Variants in MDGA2 observed in about 807,000 individuals in gnomAD.
MDGA2 encodes the protein MAM domain containing glycosylphosphatidylinositol anchor 2.
A neutral mutation model predicts 117.8 loss-of-function variants in MDGA2; 40 were observed. The ratio of observed to expected loss-of-function variants is 0.34; its 90% CI spans 0.26 to 0.44. The LOEUF (loss-of-function observed/expected upper bound fraction) is 0.44. Ranked by LOEUF, MDGA2 falls within the 20% of genes least tolerant of loss-of-function variation. MDGA2 has a pLI of 1.00. For missense variants in MDGA2, 1,123 were observed against 1,250.6 expected, an observed-to-expected ratio of 0.90 and a Z score of 1.54; for synonymous variants, 452 against 439.0, an observed-to-expected ratio of 1.03 and a Z score of -0.37.
chr14:46,883,868 T>A (rs1366393977), intron 10 of MDGA2, among the ~76,000 whole-genome samples: 2 of 152,116 alleles, frequency 1.3e-5, no homozygotes, highest in Non-Finnish European at 2.9e-5. Flanking sequence ...TATATATATA[T>A]GACAAATACA....
At chr14:47,169,729 T>A (rs994005316) in intron 3 of MDGA2, among the ~76,000 whole-genome samples, 1 of 152,090 alleles carries the variant, frequency 6.6e-6, no homozygotes, top group African/African-American at 2.4e-5. Flanking sequence ...TTGACAGTTA[T>A]GATAAAATAA....
At chr14:47,649,069 T>C (rs1897589528) in intron 1 of MDGA2, among the ~76,000 whole-genome samples, 1 of 152,176 alleles carries the variant, frequency 6.6e-6, no homozygotes, top group Admixed American at 6.5e-5. Flanking sequence ...ATGTCTAAAA[T>C]TCATCATATA....
chr14:47,442,536 A>T (rs1031607056), intron 1 of MDGA2, among the ~76,000 whole-genome samples: 4 of 152,150 alleles, frequency 2.6e-5, no homozygotes, highest in Non-Finnish European at 5.9e-5. Context: ...AGGCAGGAGC[A>T]GAGTATTAAC....
At chr14:47,645,736 A>G (rs75204912) in intron 1 of MDGA2, among the ~76,000 whole-genome samples, 6,904 of 152,130 alleles carry the variant, frequency 0.045, 146 homozygotes, top group Middle Eastern at 0.068. Context: ...CCAAAATGTA[A>G]CTATTTAACA....
intron 7 of MDGA2, among the ~76,000 whole-genome samples, chr14:47,046,476 A>G (rs1889269389): frequency 6.6e-6 from 1 of 151,448 alleles, no homozygotes; most frequent in African/African-American, 2.4e-5. Flanking sequence ...AGGGGAGGGA[A>G]AACATCAGGG....
intron 4 of MDGA2, among the ~76,000 whole-genome samples, chr14:47,141,690 G>A (rs149364359): frequency 0.023 from 3,460 of 151,528 alleles, 60 homozygotes; most frequent in Non-Finnish European, 0.034. Context: ...GAATTAGGGA[G>A]CACAATAATC....
intron 1 of MDGA2, among the ~76,000 whole-genome samples, chr14:47,304,452 G>T (rs992614858): frequency 6.6e-6 from 1 of 151,990 alleles, no homozygotes; most frequent in Non-Finnish European, 1.5e-5. Context: ...TAGGCTAGGG[G>T]TATAAAAAAC....
chr14:47,253,445 C>T (rs1887513620), intron 2 of MDGA2, among the ~76,000 whole-genome samples: 2 of 152,226 alleles, frequency 1.3e-5, no homozygotes, highest in East Asian at 1.9e-4. Flanking sequence ...GGGCTACACA[C>T]ACCATGCAAG....
intron 1 of MDGA2, among the ~76,000 whole-genome samples, chr14:47,338,640 G>C (rs1161668976): frequency 6.6e-6 from 1 of 151,976 alleles, no homozygotes; most frequent in East Asian, 1.9e-4. Flanking sequence ...GTCAAGTTAA[G>C]AATTCTGCAA....
intron 5 of MDGA2, among the ~76,000 whole-genome samples, chr14:47,130,705 C>T (rs1470668163): frequency 6.6e-6 from 1 of 152,080 alleles, no homozygotes; most frequent in East Asian, 1.9e-4. Context: ...ATTCTTTCTA[C>T]AACTTCATGA....
chr14:47,319,598 T>C (rs1889918230), intron 1 of MDGA2, among the ~76,000 whole-genome samples: 1 of 152,106 alleles, frequency 6.6e-6, no homozygotes, highest in South Asian at 2.1e-4. Context: ...CTGATAAAAA[T>C]TATCAAAGCT....
At chr14:46,861,544 T>C (rs1595001539) in intron 14 of MDGA2, among the ~76,000 whole-genome samples, 1 of 152,040 alleles carries the variant, frequency 6.6e-6, no homozygotes, top group East Asian at 1.9e-4. Context: ...GAGGTCTTAT[T>C]AGGTTTGAGA....
intron 1 of MDGA2, among the ~76,000 whole-genome samples, chr14:47,479,690 T>C (rs1893912802): frequency 6.6e-6 from 1 of 152,108 alleles, no homozygotes; most frequent in Admixed American, 6.6e-5. Flanking sequence ...ATTGATTACT[T>C]TTGGTGAAAT....
intron 8 of MDGA2, among the ~76,000 whole-genome samples, chr14:46,971,065 A>G (rs1039451667): frequency 1.3e-5 from 2 of 152,084 alleles, no homozygotes; most frequent in Non-Finnish European, 2.9e-5. Flanking sequence ...ACACAAAAAA[A>G]CAGATACTGG....
intron 1 of MDGA2, among the ~76,000 whole-genome samples, chr14:47,364,805 A>C (rs938927092): frequency 3.3e-5 from 5 of 152,220 alleles, no homozygotes; most frequent in Non-Finnish European, 5.9e-5. Context: ...TTTGTCCTCC[A>C]GGAGTATGTC....
At chr14:47,460,124 C>T (rs1306238462) in intron 1 of MDGA2, among the ~76,000 whole-genome samples, 1 of 152,066 alleles carries the variant, frequency 6.6e-6, no homozygotes, top group East Asian at 1.9e-4. Context: ...CATTCTCAGT[C>T]ATCATCATTA....
intron 1 of MDGA2, among the ~76,000 whole-genome samples, chr14:47,437,083 C>A (rs1566456165): frequency 6.7e-6 from 1 of 148,424 alleles, no homozygotes; most frequent in African/African-American, 2.5e-5. Context: ...ATTGTACTTT[C>A]TTTTTTTTTT....
intron 3 of MDGA2, among the ~76,000 whole-genome samples, chr14:47,199,298 C>T (rs1885404628): frequency 6.6e-6 from 1 of 152,132 alleles, no homozygotes; most frequent in Non-Finnish European, 1.5e-5. Flanking sequence ...TAGGTAACTT[C>T]CCATCTTCCA....
intron 8 of MDGA2, among the ~76,000 whole-genome samples, chr14:47,026,597 T>C (rs1268627273): frequency 6.6e-6 from 1 of 152,124 alleles, no homozygotes; most frequent in Non-Finnish European, 1.5e-5. Flanking sequence ...TTTATTATAA[T>C]CATTTATTAT....
Sources: gnomAD v4.1 joint callset for allele counts (sites outside exome capture counted in the v4.1 genomes callset) on GRCh38, gnomAD v4.1.1 for gene constraint, MANE v1.5 for transcripts, NCBI Gene and HGNC (gene_info 2026-07-23, HGNC 2026-07-21) for gene names.